CCL23: variants seen among roughly 807,000 people sequenced by gnomAD.
CCL23 encodes the protein C-C motif chemokine 23.
Under a neutral mutation model 11.8 loss-of-function variants are expected in CCL23, and 10 were observed. The observed-to-expected ratio is 0.84, with a 90% CI of 0.52 to 1.43. CCL23 has a LOEUF of 1.43. Among genes scored for constraint, CCL23 ranks in the 40% most tolerant of loss-of-function variants. The pLI, the probability that CCL23 is intolerant of heterozygous loss-of-function variation, is 0.00. For synonymous variants in CCL23, 60 were observed against 61.0 expected, an observed-to-expected ratio of 0.98 and a Z score of 0.07; for missense variants, 181 against 170.9, an observed-to-expected ratio of 1.06 and a Z score of -0.33.
At chr17:36,017,686 A>T in intron 1 of CCL23, 136 bp downstream of exon 1, 1 of 786,352 alleles carries the variant, frequency 1.3e-6, no homozygotes, top group South Asian at 1.7e-5. Context: ...CCAGGTCTAT[A>T]CTCTGGTGCT....
chr17:36,015,839 C>T (rs2090093710), intron 1 of CCL23, among the ~76,000 whole-genome samples: 3 of 151,830 alleles, frequency 2.0e-5, no homozygotes, highest in Admixed American at 2.0e-4. Context: ...GAGTTTGAGA[C>T]CAGCCTGGCC....
intron 1 of CCL23, among the ~76,000 whole-genome samples, chr17:36,015,065 T>C (rs2090088160): frequency 6.6e-6 from 1 of 152,166 alleles, no homozygotes; most frequent in Admixed American, 6.5e-5. Context: ...CGGCCGTTCA[T>C]TCATTTTGTG....
Position 36,013,290 on chromosome 17 carries a change from C to A in CCL23, c.321G>T (p.Gly107=), listed in dbSNP as rs1481125162. 2 of 1,613,338 alleles carry A rather than the reference C, an allele frequency of 1.2e-6. No individual in the cohort carries two copies. Among genetic ancestry groups the A allele is most frequent in the South Asian group, 2.2e-5 (2 of 91,042 alleles). The part of the protein sequence containing the change: ...KPGVIFLTKK[G]RRFCANPSDK... ...CACTGGGGTTGGCACAGAAACGTCG[C>A]CCCTTCTTGGTGAGGAAGCTAGGGA... Residue 107 remains glycine (G), a synonymous_variant, in exon 4 of 4, where the codon GGG becomes GGT. Transcript: ENST00000615050.
In CCL23 at chr17:36,013,072, T is replaced by C. The variant is rs1305792401; in HGVS notation, c.*125A>G. The stretch of plus-strand genomic sequence containing the variant: ...TCACACAAAAAAAGTGAGAAACTGT[T>C]TATTAGATGAATTGCTCTAAATCCA... On this transcript the variant is annotated 3_prime_UTR_variant, in exon 4 of 4. Coordinates refer to ENST00000615050, the MANE Select transcript of CCL23 (RefSeq NM_005064.6). The C allele has an allele frequency of 1.5e-6, 1 of 654,184 alleles. No homozygotes were observed. The highest frequency in any genetic ancestry group is 2.8e-6 in the Non-Finnish European group (1 of 360,788). The allele number at this position is 654,184 out of a possible 1,614,324, so 40.5% of individuals were successfully genotyped here.
At chr17:36,013,518 A>T (rs2142024041) in intron 3 of CCL23, 2 of 614,468 alleles carry the variant, frequency 3.3e-6, no homozygotes, top group East Asian at 5.5e-5. Context: ...TCATGGGAGC[A>T]TCCTTGGGCA....
chr17:36,013,467 T>C (rs562566429), intron 3 of CCL23, among the ~76,000 whole-genome samples, 159 bp from the exon 4 acceptor site: 5 of 152,218 alleles, frequency 3.3e-5, no homozygotes, highest in African/African-American at 1.2e-4. Context: ...AGGGCCATTG[T>C]GCTCTTGAGA....
chr17:36,016,891 C>A (rs2090101983), intron 1 of CCL23, among the ~76,000 whole-genome samples: 1 of 151,696 alleles, frequency 6.6e-6, no homozygotes, highest in Non-Finnish European at 1.5e-5. Flanking sequence ...AAAGACTTGG[C>A]AATAACGATT....
chr17:36,016,649 TTTTAA>T (rs771753471), intron 1 of CCL23, among the ~76,000 whole-genome samples: 47 of 151,702 alleles, frequency 3.1e-4, no homozygotes, highest in Non-Finnish European at 4.6e-4. Flanking sequence ...TGCATGTGTC[TTTTAA>T]TATAATATAT....
Position 36,013,857 on chromosome 17 carries a change from T to A in CCL23, c.189A>T (p.Gly63=), listed in dbSNP as rs571152375. Reference sequence around the variant, plus strand: ...AGCAGTCAGCACTAGTAGCATGGAATCCTGCAGCATGAGAAAGGGTCATCT... The same window carrying A: ...AGCAGTCAGCACTAGTAGCATGGAAACCTGCAGCATGAGAAAGGGTCATCT... The part of the protein sequence containing the change: ...GPQMTLSHAA[G]FHATSADCCI... The change falls in exon 3 of 4, where the codon GGA becomes GGT. Residue 63 remains glycine, a synonymous_variant. Coordinates refer to ENST00000615050, the MANE Select transcript of CCL23 (RefSeq NM_005064.6). 6.2e-6 allele frequency: 10 copies of A among 1,614,162 alleles called. 1 individual carries two copies. The Admixed American group carries it at 1.2e-4, about 19-fold the overall frequency.
At chr17:36,014,517 C>T (rs939209787) in intron 1 of CCL23, 124 bp from the exon 2 acceptor site, 4 of 747,224 alleles carry the variant, frequency 5.4e-6, no homozygotes, top group Non-Finnish European at 7.1e-6. Flanking sequence ...GGACCACCAC[C>T]ACCTGTCTGG....
In CCL23 at chr17:36,017,937, G is replaced by A. The variant is rs1303098402; in HGVS notation, c.-40C>T. ...GGCAGGGCTGGCCGAGGACTCCTGG[G>A]CTCACTGCTTCCTGGCTTCTCGGGA... On this transcript the variant is annotated 5_prime_UTR_variant, in exon 1 of 4. Transcript: ENST00000615050. 1 of 1,608,118 alleles carries A rather than the reference G, an allele frequency of 6.2e-7. No individual in the cohort carries two copies. Among genetic ancestry groups the A allele is most frequent in the Non-Finnish European group, 8.5e-7 (1 of 1,177,142 alleles).
intron 1 of CCL23, 45 bp downstream of exon 1, chr17:36,017,777 G>A (rs2090108396): frequency 6.3e-7 from 1 of 1,575,634 alleles, no homozygotes; most frequent in African/African-American, 1.3e-5. Context: ...CAGAGCTTGA[G>A]TTACCATGAA....
At chr17:36,017,217 T>G (rs1006489889) in intron 1 of CCL23, among the ~76,000 whole-genome samples, 5 of 152,220 alleles carry the variant, frequency 3.3e-5, no homozygotes, top group African/African-American at 1.2e-4. Flanking sequence ...GATGTTTTGT[T>G]TCTTCCCTAC....
chr17:36,015,226 T>C (rs1438391053), intron 1 of CCL23, among the ~76,000 whole-genome samples: 2 of 152,246 alleles, frequency 1.3e-5, no homozygotes, highest in East Asian at 3.8e-4. Flanking sequence ...GTGACTGGTT[T>C]ATTTCACTTA....
chr17:36,014,998 A>G (rs2090087493), intron 1 of CCL23, among the ~76,000 whole-genome samples: 2 of 152,122 alleles, frequency 1.3e-5, no homozygotes, highest in African/African-American at 2.4e-5. Context: ...CATTTGAACT[A>G]TTTTAAGTAT....
At position 36,017,830 on chromosome 17, in the gene CCL23, A is replaced by G; in HGVS notation, c.68T>C (p.Val23Ala). The change falls in exon 1 of 4, where the codon GTC becomes GCC. Residue 23 changes from valine (V) to alanine (A), a missense_variant. By Grantham distance (64) the Val-to-Ala change is moderately conservative. Coordinates refer to ENST00000615050, the MANE Select transcript of CCL23 (RefSeq NM_005064.6). ...LVTALGSQAR[V>A]TKDAETEFMM... ...AAGCTCACTGGACTCACCTTTTGTG[A>G]CCCGGGCCTGGGATCCAAGGGCAGT... 1 of 1,613,976 alleles carries G rather than the reference A, an allele frequency of 6.2e-7. No homozygotes were observed. The highest frequency in any genetic ancestry group is 8.5e-7 in the Non-Finnish European group (1 of 1,179,982).
At position 36,014,411 on chromosome 17, in the gene CCL23, G is replaced by A; in HGVS notation, c.77-18C>T. On this transcript the variant is annotated intron_variant, in intron 1 of 3. Transcript: ENST00000615050. ...CTCTGCATCTGGAAGAAGCAGACAG[G>A]ACAGGGAAGGAAATCACTGGGCGGC... The A allele has an allele frequency of 6.2e-7, 1 of 1,603,728 alleles. No individual in the cohort carries two copies. The highest frequency in any genetic ancestry group is 8.5e-7 in the Non-Finnish European group (1 of 1,170,518).
chr17:36,013,366 G>A, intron 3 of CCL23, 58 bp from the exon 4 acceptor site: 1 of 1,138,436 alleles, frequency 8.8e-7, no homozygotes. Context: ...CATGGGGACA[G>A]GGGGCCCCAT....
intron 2 of CCL23, among the ~76,000 whole-genome samples, 174 bp from the exon 3 acceptor site, chr17:36,014,083 T>C (rs2090079323): frequency 6.6e-6 from 1 of 152,176 alleles, no homozygotes; most frequent in South Asian, 2.1e-4. Flanking sequence ...GGAAGGCATC[T>C]GCAGACACCT....
Sources: gnomAD v4.1 joint callset for allele counts (sites outside exome capture counted in the v4.1 genomes callset) on GRCh38, gnomAD v4.1.1 for gene constraint, MANE v1.5 for transcripts, NCBI Gene and HGNC (gene_info 2026-07-23, HGNC 2026-07-21) for gene names.